The following ONECUT1 variants were observed in gnomAD, a reference collection of about 807,000 sequenced individuals.
The protein encoded by ONECUT1 is one cut homeobox 1.
In ONECUT1, 12 loss-of-function variants were observed where a neutral mutation model predicts 25.6. The observed-to-expected ratio is 0.47, with a 90% CI of 0.30 to 0.76. ONECUT1 has a LOEUF of 0.76. Among genes scored for constraint, ONECUT1 ranks in the 30% least tolerant of loss-of-function variants. The pLI is 0.07. For missense variants in ONECUT1, 620 were observed against 651.2 expected (o/e 0.95, Z 0.52); for synonymous variants, 285 against 270.2 (o/e 1.05, Z -0.54).
At chr15:52,765,751 T>C (rs1324692892) in intron 1 of ONECUT1, among the ~76,000 whole-genome samples, 24 of 152,202 alleles carry the variant, frequency 1.6e-4, no homozygotes, top group Admixed American at 1.6e-3. Flanking sequence ...CAGAATGTTA[T>C]CTGCCTTGCC....
At chr15:52,770,622 G>A (rs1434357375) in intron 1 of ONECUT1, among the ~76,000 whole-genome samples, 2 of 152,124 alleles carry the variant, frequency 1.3e-5, no homozygotes, top group Non-Finnish European at 2.9e-5. Context: ...TGCACATTTT[G>A]GAACCTCATC....
In ONECUT1 at chr15:52,789,069, G is replaced by T. The variant is rs199909197; in HGVS notation, c.816C>A (p.Asn272Lys). 2 of 1,602,552 alleles carry T rather than the reference G, an allele frequency of 1.2e-6. No individual in the cohort carries two copies. Among genetic ancestry groups the T allele is most frequent in the Non-Finnish European group, 1.7e-6 (2 of 1,179,962 alleles). Reference sequence around the variant, plus strand: ...TGACCTGCGCGCCGGTCACCGAAGGGTTGGGCTCCCGGGCTGTGCCCAGGA... The same window carrying T: ...TGACCTGCGCGCCGGTCACCGAAGGTTTGGGCTCCCGGGCTGTGCCCAGGA... The part of the protein sequence containing the change: ...GQLLGTAREP[N>K]PSVTGAQVSN... The change falls in exon 1 of 2, where the codon AAC becomes AAA. Residue 272 changes from asparagine (N) to lysine (K), a missense_variant. This residue lies in a region of ONECUT1 where 440 missense variants were observed against 404.9 expected (regional missense o/e 1.09). Coordinates refer to ENST00000305901, the MANE Select transcript of ONECUT1 (RefSeq NM_004498.4). The surrounding 1 kb of genome is among the most constrained non-coding windows in gnomAD (Gnocchi z 4.1).
At chr15:52,765,574 G>T (rs1169160180) in intron 1 of ONECUT1, among the ~76,000 whole-genome samples, 2 of 111,198 alleles carry the variant, frequency 1.8e-5, no homozygotes, top group Non-Finnish European at 3.7e-5. Context: ...TCAGTAAAAC[G>T]CAGTGGGGGT....
intron 1 of ONECUT1, among the ~76,000 whole-genome samples, chr15:52,782,460 A>G (rs886344248): frequency 6.6e-6 from 1 of 152,216 alleles, no homozygotes; most frequent in African/African-American, 2.4e-5. Context: ...ATTGTGCACT[A>G]AATCCATTCA....
At chr15:52,770,641 A>G (rs574310561) in intron 1 of ONECUT1, among the ~76,000 whole-genome samples, 21 of 152,176 alleles carry the variant, frequency 1.4e-4, no homozygotes, top group Non-Finnish European at 2.9e-4. Flanking sequence ...TCCTATACCT[A>G]CTGTCTCTGA....
intron 1 of ONECUT1, among the ~76,000 whole-genome samples, chr15:52,777,179 C>A (rs989706968): frequency 6.6e-6 from 1 of 152,202 alleles, no homozygotes; most frequent in Non-Finnish European, 1.5e-5. Flanking sequence ...TAAACACACA[C>A]AAACACACAG....
intron 1 of ONECUT1, among the ~76,000 whole-genome samples, chr15:52,758,661 G>T (rs1052707734): frequency 6.6e-6 from 1 of 152,096 alleles, no homozygotes; most frequent in Non-Finnish European, 1.5e-5. Flanking sequence ...CCACTAAGGG[G>T]CCCATTCCCT....
chr15:52,763,715 G>A (rs1033902987), intron 1 of ONECUT1, among the ~76,000 whole-genome samples: 3 of 152,176 alleles, frequency 2.0e-5, no homozygotes, highest in Admixed American at 2.0e-4. Flanking sequence ...TTTCTCTTAG[G>A]AATGGTGATC....
At position 52,773,793 on chromosome 15, in the gene ONECUT1, C is replaced by T. The variant is rs74012476; in HGVS notation, c.1105+14987G>A. 5.4e-3 allele frequency among the ~76,000 whole-genome samples: 821 copies of T among 151,930 alleles called. 9 individuals are homozygous for T. Among genetic ancestry groups the T allele is most frequent in the African/African-American group, 0.019 (794 of 41,430 alleles). ...AGTGAAATCTGGGACAATTTGAGCACCAAAATAGTTAAGTACAGTAATGAA... is the reference window on the plus strand; with the variant it reads ...AGTGAAATCTGGGACAATTTGAGCATCAAAATAGTTAAGTACAGTAATGAA... On this transcript the variant is annotated intron_variant, in intron 1 of 1. Coordinates refer to ENST00000305901, the MANE Select transcript of ONECUT1 (RefSeq NM_004498.4).
rs200225368 is a variant in ONECUT1, at chr15:52,757,753, T to G, written c.1200A>C (p.Leu400=). ...LVFTDVQRRT[L]HAIFKENKRP... ...GCTTATTTTCCTTGAATATTGCATGTAGAGTTCGACGCTGGACATCTGTGA... is the reference window on the plus strand; with the variant it reads ...GCTTATTTTCCTTGAATATTGCATGGAGAGTTCGACGCTGGACATCTGTGA... The change falls in exon 2 of 2, where the codon CTA becomes CTC. Residue 400 remains leucine, a synonymous_variant. Coordinates refer to ENST00000305901, the MANE Select transcript of ONECUT1 (RefSeq NM_004498.4). 39 of 1,614,196 alleles carry G rather than the reference T, an allele frequency of 2.4e-5. No homozygotes were observed. The South Asian group carries it at 4.1e-4, about 17-fold the overall frequency.
chr15:52,766,973 G>A (rs1383704703), intron 1 of ONECUT1, among the ~76,000 whole-genome samples: 2 of 152,212 alleles, frequency 1.3e-5, no homozygotes, highest in Non-Finnish European at 2.9e-5. Context: ...CCTGGACAAG[G>A]TTGCCTGGGC....
chr15:52,758,075 G>C (rs1056483298), intron 1 of ONECUT1, among the ~76,000 whole-genome samples: 7 of 152,204 alleles, frequency 4.6e-5, no homozygotes, highest in African/African-American at 1.7e-4. Flanking sequence ...GCTTTGATGA[G>C]TATTTGCTCT....
chr15:52,758,292 G>A (rs1008364080), intron 1 of ONECUT1, among the ~76,000 whole-genome samples: 1 of 152,196 alleles, frequency 6.6e-6, no homozygotes, highest in Admixed American at 6.5e-5. Flanking sequence ...CACCTTGTCA[G>A]CAAGAAGTGG....
Position 52,789,251 on chromosome 15 carries a change from T to A in ONECUT1, c.634A>T (p.Met212Leu), listed in dbSNP as rs763451574. Residue 212 changes from methionine to leucine, a missense_variant, in exon 1 of 2, where the codon ATG becomes TTG. This residue lies in a region of ONECUT1 where 440 missense variants were observed against 404.9 expected (regional missense o/e 1.09). Transcript: ENST00000305901. This position sits in a 1 kb window ranked among gnomAD's most constrained non-coding sequence, Gnocchi z 4.1. The part of the protein sequence containing the change: ...HPGAAMPTDK[M>L]LTPNGFEAHH... Reference sequence around the variant, plus strand: ...GCTTCGAAGCCGTTGGGGGTGAGCATCTTGTCGGTGGGCATGGCGGCCCCC... The same window carrying A: ...GCTTCGAAGCCGTTGGGGGTGAGCAACTTGTCGGTGGGCATGGCGGCCCCC... 9.7e-6 allele frequency: 15 copies of A among 1,547,628 alleles called. No individual in the cohort carries two copies. The highest frequency in any genetic ancestry group is 1.3e-5 in the Non-Finnish European group (15 of 1,147,710).
At chr15:52,765,363 C>T (rs1026825936) in intron 1 of ONECUT1, among the ~76,000 whole-genome samples, 1 of 152,196 alleles carries the variant, frequency 6.6e-6, no homozygotes, top group Non-Finnish European at 1.5e-5. Context: ...GCCAGCCATG[C>T]ACACAGGGTG....
In ONECUT1 at chr15:52,789,842, C is replaced by T. The variant is rs761700706; in HGVS notation, c.43G>A (p.Gly15Arg). 3.2e-5 allele frequency: 49 copies of T among 1,542,530 alleles called. 1 individual carries two copies. The highest frequency in any genetic ancestry group is 4.1e-5 in the Non-Finnish European group (47 of 1,155,538). Residue 15 changes from glycine to arginine, a missense_variant, in exon 1 of 2, where the codon GGG becomes AGG. Gly to Arg is a moderately radical substitution (Grantham distance 125). Transcript: ENST00000305901. This position sits in a 1 kb window ranked among gnomAD's most constrained non-coding sequence, Gnocchi z 4.1. ...GCGGGCACCGGCTCATGGCTCACCC[C>T]GTGCAGCTCGCCGATCGCTTCCATG... is the stretch of plus-strand genomic sequence containing the variant. Reference protein sequence around the residue: ...LTMEAIGELHGVSHEPVPAPA... With the variant: ...LTMEAIGELHRVSHEPVPAPA...
chr15:52,778,352 T>C (rs1028261728), intron 1 of ONECUT1, among the ~76,000 whole-genome samples: 5 of 152,234 alleles, frequency 3.3e-5, no homozygotes, highest in African/African-American at 1.2e-4. Flanking sequence ...GTTTAGGCTT[T>C]TTCAGTTTTT....
chr15:52,767,670 G>C (rs1055964769), intron 1 of ONECUT1, among the ~76,000 whole-genome samples: 2 of 152,148 alleles, frequency 1.3e-5, no homozygotes, highest in African/African-American at 2.4e-5. Flanking sequence ...AAGGGCAATA[G>C]GTCTCTTTTC....
At chr15:52,764,428 C>T (rs909673611) in intron 1 of ONECUT1, among the ~76,000 whole-genome samples, 1 of 152,132 alleles carries the variant, frequency 6.6e-6, no homozygotes, top group East Asian at 1.9e-4. Flanking sequence ...GAGAAGCCAT[C>T]GTATTCCATT....
Sources: allele counts gnomAD v4.1 joint callset (sites outside exome capture counted in the v4.1 genomes callset), GRCh38; gene constraint gnomAD v4.1.1; regional missense constraint gnomAD v4.1.1; non-coding constraint Gnocchi (gnomAD v3.1); transcripts MANE v1.5; gene names NCBI Gene and HGNC (gene_info 2026-07-23, HGNC 2026-07-21).